Variants in SGCZ observed in about 807,000 individuals in gnomAD.
SGCZ encodes zeta-sarcoglycan.
In SGCZ, 40 loss-of-function variants were observed where a neutral mutation model predicts 41.3. The ratio of observed to expected loss-of-function variants is 0.97; its 90% CI spans 0.75 to 1.26. SGCZ has a LOEUF of 1.26. SGCZ is among the 50% of genes most tolerant of loss of function. SGCZ has a pLI of 0.00. For synonymous variants in SGCZ, 206 were observed against 137.5 expected, an observed-to-expected ratio of 1.50 and a Z score of -3.49; for missense variants, 552 against 369.8, an observed-to-expected ratio of 1.49 and a Z score of -4.04.
chr8:14,179,846 C>G (rs1469076661), intron 4 of SGCZ, among the ~76,000 whole-genome samples: 2 of 152,012 alleles, frequency 1.3e-5, no homozygotes, highest in African/African-American at 4.8e-5. Context: ...TGGTATAAAC[C>G]CTCTACCCAT....
intron 1 of SGCZ, among the ~76,000 whole-genome samples, chr8:14,847,120 A>T (rs1352644570): frequency 9.3e-6 from 1 of 107,766 alleles, no homozygotes; most frequent in Non-Finnish European, 1.9e-5. Flanking sequence ...AAAGAAGAAG[A>T]AGAAGAAAGA....
At chr8:14,970,923 C>T (rs1373302058) in intron 1 of SGCZ, among the ~76,000 whole-genome samples, 1 of 152,172 alleles carries the variant, frequency 6.6e-6, no homozygotes, top group Non-Finnish European at 1.5e-5. Context: ...TCTTTCCAGC[C>T]ATGAATACTA....
At chr8:14,420,266 A>G (rs961335672) in intron 2 of SGCZ, among the ~76,000 whole-genome samples, 14 of 152,042 alleles carry the variant, frequency 9.2e-5, no homozygotes, top group African/African-American at 3.4e-4. Context: ...TAATAGAAAC[A>G]AAAGAAAAAT....
chr8:14,933,244 G>C (rs9643992), intron 1 of SGCZ, among the ~76,000 whole-genome samples: 2 of 151,342 alleles, frequency 1.3e-5, no homozygotes, highest in Admixed American at 6.6e-5. Context: ...ATAAGAGCTG[G>C]AAAAAAAGAA....
At chr8:15,175,704 T>A (rs1037393989) in intron 1 of SGCZ, among the ~76,000 whole-genome samples, 2 of 151,724 alleles carry the variant, frequency 1.3e-5, no homozygotes, top group African/African-American at 4.8e-5. Flanking sequence ...AACATAAACA[T>A]AAAATAAAAA....
At chr8:15,120,476 C>A (rs1485116199) in intron 1 of SGCZ, among the ~76,000 whole-genome samples, 1 of 152,104 alleles carries the variant, frequency 6.6e-6, no homozygotes, top group East Asian at 1.9e-4. Context: ...ATACCATTAT[C>A]AAAGATGTTT....
intron 1 of SGCZ, among the ~76,000 whole-genome samples, chr8:14,855,042 C>T (rs987547520): frequency 6.6e-6 from 1 of 151,256 alleles, no homozygotes; most frequent in African/African-American, 2.4e-5. Flanking sequence ...TAGGCATCTC[C>T]ATTATTTTAT....
chr8:14,517,199 C>T (rs1330707851), intron 2 of SGCZ, among the ~76,000 whole-genome samples: 4 of 150,704 alleles, frequency 2.7e-5, no homozygotes, highest in Admixed American at 1.4e-4. Flanking sequence ...GCTTGGAAGA[C>T]AAACAAAAAA....
intron 3 of SGCZ, among the ~76,000 whole-genome samples, chr8:14,297,530 G>C (rs544077988): frequency 5.3e-5 from 8 of 151,596 alleles, no homozygotes; most frequent in African/African-American, 1.7e-4. Flanking sequence ...GAAGAAAAAA[G>C]AGAAAACCAA....
In SGCZ at chr8:14,087,394, C is replaced by T. The variant is rs1314221921; in HGVS notation, c.*3049G>A. Among the ~76,000 whole-genome samples the T allele has an allele frequency of 1.3e-5, 2 of 151,452 alleles. No individual in the cohort carries two copies. Among genetic ancestry groups the T allele is most frequent in the African/African-American group, 4.8e-5 (2 of 41,318 alleles). On this transcript the variant is annotated 3_prime_UTR_variant, in exon 8 of 8. Transcript: ENST00000382080. Reference sequence around the variant, plus strand: ...ATCTTTCCTTTTGTGATCCCCCAAACCTGAATTCAGATACATCTCGGTTTA... The same window carrying T: ...ATCTTTCCTTTTGTGATCCCCCAAATCTGAATTCAGATACATCTCGGTTTA...
At chr8:14,446,406 A>G (rs1489338145) in intron 2 of SGCZ, among the ~76,000 whole-genome samples, 1 of 152,200 alleles carries the variant, frequency 6.6e-6, no homozygotes, top group Non-Finnish European at 1.5e-5. Context: ...TGGGTCTGAT[A>G]TATCAAAGAC....
chr8:14,744,762 C>A (rs1402581731), intron 1 of SGCZ, among the ~76,000 whole-genome samples: 1 of 152,122 alleles, frequency 6.6e-6, no homozygotes, highest in Non-Finnish European at 1.5e-5. Flanking sequence ...TGAAGAAATA[C>A]CTTTCAGTCA....
chr8:14,872,970 G>C (rs1252411747), intron 1 of SGCZ, among the ~76,000 whole-genome samples: 3 of 152,096 alleles, frequency 2.0e-5, no homozygotes, highest in Non-Finnish European at 2.9e-5. Flanking sequence ...CGTTTAACTT[G>C]ATAGGCGTCT....
At chr8:14,216,236 G>A (rs548319620) in intron 4 of SGCZ, among the ~76,000 whole-genome samples, 1 of 152,206 alleles carries the variant, frequency 6.6e-6, no homozygotes, top group Non-Finnish European at 1.5e-5. Context: ...GAATTCAGCT[G>A]CCTTCAGCCA....
intron 1 of SGCZ, among the ~76,000 whole-genome samples, chr8:14,796,504 T>G (rs2130486678): frequency 6.6e-6 from 1 of 152,326 alleles, no homozygotes; most frequent in South Asian, 2.1e-4. Flanking sequence ...TTTGAAACAT[T>G]AACTTTCATT....
chr8:14,636,719 A>C (rs2117413603), intron 1 of SGCZ, among the ~76,000 whole-genome samples: 1 of 151,992 alleles, frequency 6.6e-6, no homozygotes, highest in Middle Eastern at 3.4e-3. Context: ...GAGTATCACA[A>C]GTATATGGGA....
At chr8:14,209,693 T>C (rs1805736097) in intron 4 of SGCZ, among the ~76,000 whole-genome samples, 1 of 152,220 alleles carries the variant, frequency 6.6e-6, no homozygotes, top group Admixed American at 6.5e-5. Flanking sequence ...CTATTTTACA[T>C]TTAAATTTAT....
chr8:14,929,242 C>T (rs1254432283), intron 1 of SGCZ, among the ~76,000 whole-genome samples: 6 of 152,262 alleles, frequency 3.9e-5, no homozygotes, highest in South Asian at 2.1e-4. Context: ...CCACCCGCCT[C>T]GGCCTCCCAA....
chr8:15,012,921 G>A (rs1335805458), intron 1 of SGCZ, among the ~76,000 whole-genome samples: 5 of 151,196 alleles, frequency 3.3e-5, no homozygotes, highest in African/African-American at 1.2e-4. Flanking sequence ...GTTTTCTCAT[G>A]TACTGGTGAA....
Sources: gnomAD v4.1 joint callset for allele counts (sites outside exome capture counted in the v4.1 genomes callset) on GRCh38, gnomAD v4.1.1 for gene constraint, MANE v1.5 for transcripts, NCBI Gene and HGNC (gene_info 2026-07-23, HGNC 2026-07-21) for gene names.